Variants in CHEK2 observed in about 807,000 individuals in gnomAD.
The protein encoded by CHEK2 is serine/threonine-protein kinase Chk2.
CHEK2 carries 71 observed loss-of-function variants against 69.1 expected under a neutral mutation model. That is an observed-to-expected ratio of 1.03 (90% CI 0.85 to 1.25). The LOEUF (loss-of-function observed/expected upper bound fraction) is 1.25. Among genes scored for constraint, CHEK2 ranks in the 50% most tolerant of loss-of-function variants. The pLI, the probability that CHEK2 is intolerant of heterozygous loss-of-function variation, is 0.00. For missense variants in CHEK2, 664 were observed against 649.6 expected, an observed-to-expected ratio of 1.02 and a Z score of -0.24; for synonymous variants, 189 against 226.9, an observed-to-expected ratio of 0.83 and a Z score of 1.50.
chr22:28,738,622 T>A (rs2054479917), intron 1 of CHEK2, among the ~76,000 whole-genome samples: 1 of 152,014 alleles, frequency 6.6e-6, no homozygotes, highest in South Asian at 2.1e-4. Flanking sequence ...AAAACCAAAG[T>A]GAGGGCAGCA....
In CHEK2 at chr22:28,719,422, TC is replaced by T. The variant is rs786202497; in HGVS notation, c.655del (p.Glu219AsnfsTer16). ...QSVYPKALRD[E>X]YIMSKTLGSG... ...TCCAAGAGTTTTTGACATGATGTAT[TC>T]ATCTCTTAATGCCTTAGGATAAACT... On this transcript the variant is annotated frameshift_variant, in exon 5 of 15. Coordinates refer to ENST00000404276, the MANE Select transcript of CHEK2 (RefSeq NM_007194.4). LOFTEE classifies it high-confidence loss of function. The T allele has an allele frequency of 1.5e-5, 24 of 1,594,204 alleles. No individual in the cohort carries two copies. Among genetic ancestry groups the T allele is most frequent in the Non-Finnish European group, 2.1e-5 (24 of 1,168,958 alleles).
At chr22:28,712,310 G>T in intron 5 of CHEK2, 1 of 416,212 alleles carries the variant, frequency 2.4e-6, no homozygotes, top group South Asian at 3.8e-5. Flanking sequence ...AGAAAAATGA[G>T]AGAGAAACTA....
At chr22:28,715,775 G>A (rs911142809) in intron 5 of CHEK2, among the ~76,000 whole-genome samples, 2 of 151,998 alleles carry the variant, frequency 1.3e-5, no homozygotes, top group Non-Finnish European at 2.9e-5. Context: ...TGACTCATTT[G>A]AGTTGAGTTT....
intron 14 of CHEK2, among the ~76,000 whole-genome samples, chr22:28,688,801 T>C (rs2052226133): frequency 1.3e-5 from 2 of 152,186 alleles, no homozygotes; most frequent in South Asian, 4.1e-4. Flanking sequence ...AAAATTGTAA[T>C]CAAGGAATCA....
chr22:28,699,771 G>T, intron 9 of CHEK2, 67 bp downstream of exon 9: 1 of 1,085,606 alleles, frequency 9.2e-7, no homozygotes. Context: ...CTCGATTTCT[G>T]CCTAATTCAG....
chr22:28,741,644 C>G (rs2054558983), intron 1 of CHEK2, 125 bp downstream of exon 1: 1 of 180,690 alleles, frequency 5.5e-6, no homozygotes, highest in African/African-American at 2.4e-5. Context: ...GAGAGTCGCC[C>G]ACACACTCCC....
At chr22:28,694,229 T>C (rs1301423159) in intron 12 of CHEK2, 112 bp from the exon 13 acceptor site, 6 of 772,130 alleles carry the variant, frequency 7.8e-6, no homozygotes, top group African/African-American at 6.8e-5. Context: ...TCTGAGATCA[T>C]CACGGAGTCA....
At chr22:28,708,006 T>A (rs1242341097) in intron 7 of CHEK2, among the ~76,000 whole-genome samples, 1 of 151,692 alleles carries the variant, frequency 6.6e-6, no homozygotes, top group African/African-American at 2.4e-5. Context: ...CCGGCTAATT[T>A]TTTTTTGTAT....
At chr22:28,691,722 T>C (rs1376760688) in intron 13 of CHEK2, among the ~76,000 whole-genome samples, 2 of 152,120 alleles carry the variant, frequency 1.3e-5, no homozygotes, top group Non-Finnish European at 2.9e-5. Flanking sequence ...AAAAATTAAA[T>C]TGTAATATCC....
chr22:28,711,762 A>C (rs947319219), intron 6 of CHEK2, 147 bp downstream of exon 6: 34 of 662,016 alleles, frequency 5.1e-5, no homozygotes, highest in Admixed American at 7.5e-5. Flanking sequence ...AAGATGCCCC[A>C]AAATTTTCCA....
intron 2 of CHEK2, chr22:28,730,677 G>A (rs1199163964): frequency 5.7e-5 from 24 of 421,424 alleles, no homozygotes; most frequent in Non-Finnish European, 9.2e-5. Flanking sequence ...GGCCAACATG[G>A]TGAAACCCCA....
intron 1 of CHEK2, among the ~76,000 whole-genome samples, chr22:28,736,401 G>A (rs5762763): frequency 1.6e-4 from 24 of 151,974 alleles, no homozygotes; most frequent in African/African-American, 5.6e-4. Flanking sequence ...ACACCTGTTC[G>A]TTCAATCTAT....
chr22:28,725,148 C>G (rs777088572), intron 3 of CHEK2, 24 bp from the exon 4 acceptor site: 37 of 1,613,968 alleles, frequency 2.3e-5, no homozygotes, highest in Non-Finnish European at 2.8e-5. Flanking sequence ...CATTTTGTTT[C>G]AGACTTTGAA....
chr22:28,711,856 G>A (rs2145947417), intron 6 of CHEK2, 53 bp downstream of exon 6: 2 of 1,161,492 alleles, frequency 1.7e-6, no homozygotes, highest in Middle Eastern at 1.9e-4. Context: ...ATTATTTTGG[G>A]AAGTTATGAA....
intron 13 of CHEK2, among the ~76,000 whole-genome samples, chr22:28,691,382 T>C (rs868671695): frequency 6.6e-6 from 1 of 152,116 alleles, no homozygotes. Context: ...GGGAGGCTGA[T>C]GCAGGAGAAT....
intron 1 of CHEK2, among the ~76,000 whole-genome samples, chr22:28,739,638 A>T (rs1236386076): frequency 6.6e-6 from 1 of 151,862 alleles, no homozygotes; most frequent in African/African-American, 2.4e-5. Context: ...GCAGTGAGCC[A>T]AAATCGCGCC....
intron 2 of CHEK2, among the ~76,000 whole-genome samples, chr22:28,726,932 C>T (rs1009790689): frequency 3.3e-5 from 5 of 151,240 alleles, no homozygotes; most frequent in African/African-American, 1.2e-4. Flanking sequence ...GCCTTGTGGT[C>T]TTAGCACTTC....
At chr22:28,734,069 G>A (rs190226295) in intron 2 of CHEK2, among the ~76,000 whole-genome samples, 164 of 152,234 alleles carry the variant, frequency 1.1e-3, no homozygotes, top group African/African-American at 3.9e-3. Context: ...ATTCACTTTG[G>A]CCTCTAATGG....
chr22:28,726,252 CCAG>C (rs2054008348), intron 2 of CHEK2: 2 of 150,998 alleles, frequency 1.3e-5, no homozygotes, highest in Admixed American at 1.3e-4. Context: ...TGCCTGTAGT[CCAG>C]CTACTCAGGA....
Sources: gnomAD v4.1 joint callset for allele counts (sites outside exome capture counted in the v4.1 genomes callset) on GRCh38, gnomAD v4.1.1 for gene constraint, MANE v1.5 for transcripts, NCBI Gene and HGNC (gene_info 2026-07-23, HGNC 2026-07-21) for gene names.